The following RUFY2 variants were observed in gnomAD, a reference collection of about 807,000 sequenced individuals.
RUFY2 encodes the protein RUN and FYVE domain containing 2, also known as RUN and FYVE domain-containing protein 2.
RUFY2 carries 49 observed loss-of-function variants against 94.4 expected under a neutral mutation model. The observed-to-expected ratio is 0.52, with a 90% CI of 0.41 to 0.66. The LOEUF (loss-of-function observed/expected upper bound fraction) is 0.66. Among genes scored for constraint, RUFY2 ranks in the 30% least tolerant of loss-of-function variants. The probability of loss-of-function intolerance (pLI) is 0.00; values close to 1 mark genes in which losing one functional copy is unlikely to be tolerated. For missense variants in RUFY2, 541 were observed against 692.8 expected, an observed-to-expected ratio of 0.78 and a Z score of 2.46; for synonymous variants, 255 against 235.7, an observed-to-expected ratio of 1.08 and a Z score of -0.75.
chr10:68,379,583 G>A lies in RUFY2; in HGVS notation c.1108-62C>T, dbSNP rs565493187. The A allele has an allele frequency of 4.7e-5, 56 of 1,202,054 alleles. 3 individuals are homozygous for A. In the South Asian group the frequency reaches 6.9e-4, roughly 15 times the overall value. 74.5% of individuals were successfully genotyped at this position (1,202,054 alleles called of 1,614,324 possible). Reference sequence around the variant, plus strand: ...TGTGTGTGTGTGTTTGTGTGTGTGTGTGTGTGCGTGTTTTTAATAGATAGG... The same window carrying A: ...TGTGTGTGTGTGTTTGTGTGTGTGTATGTGTGCGTGTTTTTAATAGATAGG... On this transcript the variant is annotated intron_variant, in intron 11 of 17. Coordinates refer to ENST00000602465, the MANE Select transcript of RUFY2 (RefSeq NM_001330103.2).
In RUFY2 at chr10:68,375,141, C is replaced by T. The variant is rs369023245; in HGVS notation, c.1325+1712G>A. On this transcript the variant is annotated intron_variant, in intron 13 of 17. Transcript: ENST00000602465. ...GGGCATGGTGGCTCACTTCTGTAAT[C>T]CCAACACTTTGAGAGTTGAGACGGG... Among the ~76,000 whole-genome samples the T allele has an allele frequency of 6.0e-4, 91 of 152,070 alleles. 2 individuals carry two copies. Among genetic ancestry groups the T allele is most frequent in the African/African-American group, 2.1e-3 (87 of 41,466 alleles).
chr10:68,384,628 G>C lies in RUFY2; in HGVS notation c.721-476C>G, dbSNP rs544821623. Among the ~76,000 whole-genome samples, 13 of 152,270 alleles carry C rather than the reference G, an allele frequency of 8.5e-5. No individual in the cohort carries two copies. In the East Asian group the frequency reaches 2.3e-3, roughly 27 times the overall value. On this transcript the variant is annotated intron_variant, in intron 8 of 17. Transcript: ENST00000602465. ...TGAGTTGGACACCCCATGAAGTCTA[G>C]ACATGTAACAGGAACTTAAGTGACT...
chr10:68,377,486 T>C (rs1208010023), intron 12 of RUFY2: 13 of 990,580 alleles, frequency 1.3e-5, no homozygotes, highest in Non-Finnish European at 1.6e-5. Context: ...GGCATCTTTA[T>C]GCATTTACTA....
chr10:68,382,622 G>T (rs1209224250), intron 10 of RUFY2, among the ~76,000 whole-genome samples: 2 of 150,784 alleles, frequency 1.3e-5, no homozygotes, highest in East Asian at 4.0e-4. Context: ...GCTGAGGCAG[G>T]AGAATGGCGT....
chr10:68,399,776 C>T (rs2050673641), intron 3 of RUFY2, among the ~76,000 whole-genome samples: 1 of 152,164 alleles, frequency 6.6e-6, no homozygotes, highest in Non-Finnish European at 1.5e-5. Flanking sequence ...GTGGCTCACG[C>T]CTGTAATACC....
intron 11 of RUFY2, 109 bp downstream of exon 11, chr10:68,381,123 A>C: frequency 2.9e-6 from 2 of 682,180 alleles, no homozygotes; most frequent in Non-Finnish European, 2.3e-6. Context: ...ATTGGCCTTT[A>C]TAATATTGCA....
At chr10:68,365,621 T>G (rs949482703) in intron 13 of RUFY2, among the ~76,000 whole-genome samples, 1 of 152,252 alleles carries the variant, frequency 6.6e-6, no homozygotes, top group Non-Finnish European at 1.5e-5. Context: ...CTTAAATGTA[T>G]GCATAACTCA....
intron 16 of RUFY2, among the ~76,000 whole-genome samples, chr10:68,354,682 G>A (rs1219505732): frequency 1.3e-5 from 2 of 152,158 alleles, no homozygotes; most frequent in East Asian, 1.9e-4. Context: ...GCCTATTTCA[G>A]AGAAGGAAGC....
In RUFY2 at chr10:68,345,563, C is replaced by T; in HGVS notation, c.*205G>A. On this transcript the variant is annotated 3_prime_UTR_variant, in exon 18 of 18. Transcript: ENST00000602465. ...TTTAATGAGTTACATGATTTTTAAG[C>T]ATGCTCTGTTGAAAATACATTTTGA... 1 of 495,396 alleles carries T rather than the reference C, an allele frequency of 2.0e-6. No homozygotes were observed. Among genetic ancestry groups the T allele is most frequent in the Non-Finnish European group, 3.5e-6 (1 of 284,530 alleles). The allele number at this position is 495,396 out of a possible 1,614,324, so 30.7% of individuals were successfully genotyped here.
At chr10:68,397,435 A>T (rs1048048331) in intron 3 of RUFY2, among the ~76,000 whole-genome samples, 1 of 152,068 alleles carries the variant, frequency 6.6e-6, no homozygotes, top group Admixed American at 6.5e-5. Flanking sequence ...GAATACTTCT[A>T]TAAGAAATAT....
intron 13 of RUFY2, among the ~76,000 whole-genome samples, chr10:68,368,607 C>G (rs2048030694): frequency 6.6e-6 from 1 of 151,906 alleles, no homozygotes; most frequent in South Asian, 2.1e-4. Flanking sequence ...TGCAGTGAGC[C>G]AAGATCGCGC....
rs180747044 is a variant in RUFY2, at chr10:68,360,255, T to C, written c.1550+3335A>G. Among the ~76,000 whole-genome samples the C allele has an allele frequency of 7.5e-3, 1,128 of 150,510 alleles. 8 individuals are homozygous for C. The highest frequency in any genetic ancestry group is 0.026 in the African/African-American group (1,053 of 40,952). ...GAGTTTGAGACCAGCCTGGGCAACATAGTGAGACCCCGCCTCCATATAAAA... is the reference window on the plus strand; with the variant it reads ...GAGTTTGAGACCAGCCTGGGCAACACAGTGAGACCCCGCCTCCATATAAAA... On this transcript the variant is annotated intron_variant, in intron 15 of 17. Coordinates refer to ENST00000602465, the MANE Select transcript of RUFY2 (RefSeq NM_001330103.2).
intron 4 of RUFY2, among the ~76,000 whole-genome samples, chr10:68,395,075 C>T (rs1321874961): frequency 6.6e-6 from 1 of 151,932 alleles, no homozygotes; most frequent in Non-Finnish European, 1.5e-5. Context: ...CGGTGGCTCA[C>T]GCCTGTAATC....
intron 1 of RUFY2, chr10:68,405,549 C>T (rs2051226290): frequency 2.8e-6 from 2 of 726,790 alleles, no homozygotes; most frequent in African/African-American, 1.9e-5. Flanking sequence ...ATAGCAGGTA[C>T]GGTCTTAGGA....
At chr10:68,407,066 G>T in intron 1 of RUFY2, 120 bp downstream of exon 1, 1 of 1,478,824 alleles carries the variant, frequency 6.8e-7, no homozygotes, top group South Asian at 1.4e-5. Flanking sequence ...TCCTGGGTTC[G>T]GGCCCCAGTT....
intron 10 of RUFY2, among the ~76,000 whole-genome samples, chr10:68,381,971 T>C (rs999044935): frequency 3.9e-5 from 6 of 152,224 alleles, no homozygotes; most frequent in Non-Finnish European, 7.3e-5. Context: ...AGATTGAATA[T>C]TAATTTTCCT....
intron 1 of RUFY2, among the ~76,000 whole-genome samples, chr10:68,406,562 GC>G (rs2051324525): frequency 6.6e-6 from 1 of 152,186 alleles, no homozygotes; most frequent in African/African-American, 2.4e-5. Flanking sequence ...CCACGCCCCG[GC>G]TGCGCTACAG....
At position 68,386,443 on chromosome 10, in the gene RUFY2, G is replaced by A. The variant is rs189082445; in HGVS notation, c.651-315C>T. On this transcript the variant is annotated intron_variant, in intron 7 of 17. Coordinates refer to ENST00000602465, the MANE Select transcript of RUFY2 (RefSeq NM_001330103.2). ...CGGCTCACTGCAGCCTCCGCCTCCTGGGTTCAAACTATTCTTCTGCCTCAG... is the reference window on the plus strand; with the variant it reads ...CGGCTCACTGCAGCCTCCGCCTCCTAGGTTCAAACTATTCTTCTGCCTCAG... 6.2e-3 allele frequency among the ~76,000 whole-genome samples: 940 copies of A among 152,234 alleles called. 16 individuals carry two copies. The highest frequency in any genetic ancestry group is 0.022 in the African/African-American group (903 of 41,526).
chr10:68,393,420 G>A (rs1425872901), intron 6 of RUFY2, among the ~76,000 whole-genome samples: 1 of 152,004 alleles, frequency 6.6e-6, no homozygotes, highest in Non-Finnish European at 1.5e-5. Flanking sequence ...TACCATTAGT[G>A]TATTTTTAAA....
Sources: allele counts gnomAD v4.1 joint callset (sites outside exome capture counted in the v4.1 genomes callset), GRCh38; gene constraint gnomAD v4.1.1; transcripts MANE v1.5; gene names NCBI Gene and HGNC (gene_info 2026-07-23, HGNC 2026-07-21).